ANK3: variants seen among roughly 807,000 people sequenced by gnomAD.
ANK3 encodes ankyrin-3.
A neutral mutation model predicts 370.9 loss-of-function variants in ANK3; 57 were observed. The observed-to-expected ratio is 0.15, with a 90% CI of 0.12 to 0.19. The LOEUF (loss-of-function observed/expected upper bound fraction) is 0.19, where lower values mean the gene tolerates loss of function less well. ANK3 is among the 10% of genes least tolerant of loss of function. The pLI, the probability that ANK3 is intolerant of heterozygous loss-of-function variation, is 1.00. For synonymous variants in ANK3, 1,929 were observed against 1,946.3 expected, an observed-to-expected ratio of 0.99 and a Z score of 0.23; for missense variants, 4,439 against 5,302.1, an observed-to-expected ratio of 0.84 and a Z score of 5.06.
rs1564781516 is a variant in ANK3, at chr10:60,071,847, T to C, written c.9034A>G (p.Ile3012Val). 1 of 1,613,548 alleles carries C rather than the reference T, an allele frequency of 6.2e-7. No individual in the cohort carries two copies. The highest frequency in any genetic ancestry group is 2.2e-5 in the East Asian group (1 of 44,882). ...ETVETQHFNSIEDEKVTYSEI... is the reference protein window; with the variant it reads ...ETVETQHFNSVEDEKVTYSEI... ...GAATAGGTAACTTTTTCATCTTCTA[T>C]AGAATTAAAGTGCTGTGTCTCAACT... The change falls in exon 37 of 44, where the codon ATA becomes GTA. Residue 3012 changes from isoleucine (I) to valine (V), a missense_variant. Physicochemically the swap from Ile to Val is conservative, Grantham distance 29 (BLOSUM62 3). Around this residue, in one of 13 missense-constraint regions of ANK3, gnomAD observed 1,601 missense variants for 1,731.7 expected, o/e 0.92. Coordinates refer to ENST00000280772, the MANE Select transcript of ANK3 (RefSeq NM_020987.5).
intron 8 of ANK3, among the ~76,000 whole-genome samples, chr10:60,221,322 C>T (rs774373843): frequency 1.3e-5 from 2 of 152,130 alleles, no homozygotes; most frequent in Non-Finnish European, 2.9e-5. Flanking sequence ...TCAGGTGATC[C>T]TCCCACCTCA....
chr10:60,272,465 G>T (rs1037334637), intron 4 of ANK3, among the ~76,000 whole-genome samples: 3 of 120,490 alleles, frequency 2.5e-5, no homozygotes, highest in African/African-American at 9.7e-5. Flanking sequence ...TGTTGTTGTT[G>T]TTGTTGTTGT....
rs546890929 is a variant in ANK3, at chr10:60,585,893, G to A, written c.96+29293C>T. On this transcript the variant is annotated intron_variant, in intron 2 of 43. Coordinates refer to the ANK3 transcript ENST00000373827. Reference sequence around the variant, plus strand: ...TCAAAAATTAGCTCGACGTGGTGGCGGGTACCTGTAATCCCAGCTACTTGG... The same window carrying A: ...TCAAAAATTAGCTCGACGTGGTGGCAGGTACCTGTAATCCCAGCTACTTGG... Among the ~76,000 whole-genome samples, 11 of 152,122 alleles carry A rather than the reference G, an allele frequency of 7.2e-5. No individual in the cohort carries two copies. The East Asian group carries it at 1.4e-3, about 19-fold the overall frequency.
chr10:60,598,060 T>C (rs1295795419), intron 2 of ANK3, among the ~76,000 whole-genome samples: 2 of 152,218 alleles, frequency 1.3e-5, no homozygotes, highest in Non-Finnish European at 2.9e-5. Flanking sequence ...AGTCTTTGTT[T>C]GAAACTAACA....
intron 1 of ANK3, among the ~76,000 whole-genome samples, chr10:60,345,217 A>T (rs769614090): frequency 1.6e-4 from 25 of 152,208 alleles, no homozygotes; most frequent in Admixed American, 8.5e-4. Context: ...TTTGAAAATA[A>T]GCAAATGGGG....
intron 1 of ANK3, among the ~76,000 whole-genome samples, chr10:60,624,826 A>G (rs531856256): frequency 6.6e-6 from 1 of 152,290 alleles, no homozygotes; most frequent in Admixed American, 6.5e-5. Flanking sequence ...CAGGAAACTT[A>G]AAGGAGTTTT....
chr10:60,682,878 G>A (rs554578111), intron 1 of ANK3, among the ~76,000 whole-genome samples: 1 of 152,318 alleles, frequency 6.6e-6, no homozygotes, highest in Admixed American at 6.5e-5. Flanking sequence ...AGCTCTGTCA[G>A]CTGCTCTAGC....
At chr10:60,530,393 G>A (rs1408776400) in intron 2 of ANK3, among the ~76,000 whole-genome samples, 1 of 151,036 alleles carries the variant, frequency 6.6e-6, no homozygotes, top group Non-Finnish European at 1.5e-5. Flanking sequence ...AACAGGCGAG[G>A]CACTTCTAAA....
At chr10:60,709,931 T>G (rs2079679388) in intron 1 of ANK3, among the ~76,000 whole-genome samples, 1 of 152,212 alleles carries the variant, frequency 6.6e-6, no homozygotes, top group South Asian at 2.1e-4. Context: ...AACATCTGTT[T>G]ACAAGATGAA....
intron 23 of ANK3, among the ~76,000 whole-genome samples, chr10:60,152,086 G>A (rs540726768): frequency 1.3e-5 from 2 of 152,100 alleles, no homozygotes; most frequent in Non-Finnish European, 2.9e-5. Context: ...GTAAATGTGT[G>A]GAATTAAGCC....
At chr10:60,608,132 T>A (rs1377989106) in intron 2 of ANK3, among the ~76,000 whole-genome samples, 1 of 152,150 alleles carries the variant, frequency 6.6e-6, no homozygotes, top group East Asian at 1.9e-4. Context: ...TGCTCCCCCA[T>A]CCATAAATTG....
intron 2 of ANK3, among the ~76,000 whole-genome samples, chr10:60,517,296 C>T (rs949893002): frequency 6.6e-6 from 1 of 152,068 alleles, no homozygotes; most frequent in African/African-American, 2.4e-5. Flanking sequence ...CTCATGACCT[C>T]AGGTGATACA....
intron 1 of ANK3, among the ~76,000 whole-genome samples, chr10:60,388,547 G>T (rs1288237921): frequency 6.6e-6 from 1 of 152,120 alleles, no homozygotes; most frequent in Non-Finnish European, 1.5e-5. Flanking sequence ...TATCATGGAG[G>T]AAAAGTGCTT....
chr10:60,721,166 T>C (rs9414740), intron 1 of ANK3, among the ~76,000 whole-genome samples: 3,475 of 152,290 alleles, frequency 0.023, 67 homozygotes, highest in Middle Eastern at 0.048. Flanking sequence ...GACTGCAAAA[T>C]ATACATGAAG....
At chr10:60,705,976 T>C (rs545633137) in intron 1 of ANK3, among the ~76,000 whole-genome samples, 102 of 151,904 alleles carry the variant, frequency 6.7e-4, no homozygotes. Flanking sequence ...GCACACACCA[T>C]CTTGCCTGGC....
intron 2 of ANK3, among the ~76,000 whole-genome samples, chr10:60,399,196 C>T (rs1270981827): frequency 6.6e-6 from 1 of 151,968 alleles, no homozygotes; most frequent in South Asian, 2.1e-4. Flanking sequence ...AAAAACTAAA[C>T]TTGGAGGTTT....
intron 16 of ANK3, among the ~76,000 whole-genome samples, chr10:60,188,423 A>AT (rs1233023608): frequency 6.6e-6 from 1 of 152,134 alleles, no homozygotes; most frequent in Non-Finnish European, 1.5e-5. Flanking sequence ...AATCAGAATG[A>AT]TTTTTTTCCA....
chr10:60,377,983 A>G (rs1045864473), intron 1 of ANK3, among the ~76,000 whole-genome samples: 1 of 152,212 alleles, frequency 6.6e-6, no homozygotes. Context: ...GTTTGCTAGC[A>G]AAGTCTAAAA....
At chr10:60,135,557 T>C (rs1414583522) in intron 24 of ANK3, among the ~76,000 whole-genome samples, 1 of 152,234 alleles carries the variant, frequency 6.6e-6, no homozygotes, top group Admixed American at 6.5e-5. Context: ...AGCTAGCACC[T>C]TTCACTTCTT....
Sources: gnomAD v4.1 joint callset for allele counts (sites outside exome capture counted in the v4.1 genomes callset) on GRCh38, gnomAD v4.1.1 for gene constraint, gnomAD v4.1.1 regional missense constraint, MANE v1.5 for transcripts, NCBI Gene and HGNC (gene_info 2026-07-23, HGNC 2026-07-21) for gene names.